Variants in ZNF12 observed in about 807,000 individuals in gnomAD.
The protein encoded by ZNF12 is zinc finger protein 12.
In ZNF12, 34 loss-of-function variants were observed where a neutral mutation model predicts 66.6. The ratio of observed to expected loss-of-function variants is 0.51; its 90% CI spans 0.39 to 0.68. The LOEUF is 0.68. ZNF12 is among the 30% of genes least tolerant of loss of function. The probability of loss-of-function intolerance (pLI) is 0.00; values close to 1 mark genes in which losing one functional copy is unlikely to be tolerated. For missense variants in ZNF12, 697 were observed against 826.9 expected, an observed-to-expected ratio of 0.84 and a Z score of 1.93; for synonymous variants, 320 against 278.9, an observed-to-expected ratio of 1.15 and a Z score of -1.47.
At position 6,691,658 on chromosome 7, in the gene ZNF12, C is replaced by G. The variant is rs140693435; in HGVS notation, c.1284G>C (p.Leu428=). 2.1e-4 allele frequency: 343 copies of G among 1,613,836 alleles called. No individual in the cohort carries two copies. The African/African-American group carries it at 4.0e-3, about 19-fold the overall frequency. The change falls in exon 5 of 5, where the codon CTG becomes CTC. Residue 428 remains leucine, a synonymous_variant. Coordinates refer to ENST00000405858, the MANE Select transcript of ZNF12 (RefSeq NM_016265.4). The part of the protein sequence containing the change: ...FCRKSTLTTH[L]RTHTGEKPYE... ...ACGGTTTCTCTCCTGTGTGGGTCCT[C>G]AGGTGGGTCGTGAGAGTAGACTTGC... is the stretch of plus-strand genomic sequence containing the variant.
chr7:6,700,613 CTCTATT>C (rs1780225290), intron 2 of ZNF12, among the ~76,000 whole-genome samples: 1 of 152,138 alleles, frequency 6.6e-6, no homozygotes. Flanking sequence ...CAATGTCAGT[CTCTATT>C]AATTTCAGCT....
chr7:6,703,656 T>G (rs1211870743), intron 2 of ZNF12, among the ~76,000 whole-genome samples: 1 of 152,056 alleles, frequency 6.6e-6, no homozygotes, highest in East Asian at 1.9e-4. Context: ...GCTAAGCAGG[T>G]GGCTGGACAG....
chr7:6,702,155 C>A (rs994271599), intron 2 of ZNF12, among the ~76,000 whole-genome samples: 2 of 152,028 alleles, frequency 1.3e-5, no homozygotes, highest in Non-Finnish European at 2.9e-5. Context: ...CAGTTGATCA[C>A]CTGTCCCTGA....
rs377766473 is a variant in ZNF12, at chr7:6,701,995, C to A, written c.15+3164G>T. Reference sequence around the variant, plus strand: ...AATTCTCAATAGACCAAATTCAATTCTTCTACCACTCTCTCCTAAACCTCT... The same window carrying A: ...AATTCTCAATAGACCAAATTCAATTATTCTACCACTCTCTCCTAAACCTCT... On this transcript the variant is annotated intron_variant, in intron 2 of 4. Transcript: ENST00000405858. Among the ~76,000 whole-genome samples the A allele has an allele frequency of 1.1e-4, 16 of 150,278 alleles. No individual in the cohort carries two copies. In the South Asian group the frequency reaches 3.2e-3, roughly 30 times the overall value.
intron 2 of ZNF12, among the ~76,000 whole-genome samples, chr7:6,700,300 AAT>A (rs1554294758): frequency 3.5e-5 from 3 of 85,446 alleles, no homozygotes; most frequent in South Asian, 3.4e-4. Context: ...AAAAAAAAAA[AAT>A]ATACACACAC....
intron 2 of ZNF12, among the ~76,000 whole-genome samples, chr7:6,701,303 T>C (rs1583467359): frequency 6.6e-6 from 1 of 152,130 alleles, no homozygotes; most frequent in Non-Finnish European, 1.5e-5. Context: ...CTTAAAATCA[T>C]ATCCCAAACC....
At chr7:6,693,681 A>T (rs983170889) in intron 4 of ZNF12, among the ~76,000 whole-genome samples, 3 of 152,244 alleles carry the variant, frequency 2.0e-5, no homozygotes, top group Admixed American at 2.0e-4. Context: ...GTAGGATTGC[A>T]GCAGTTAATG....
Position 6,700,121 on chromosome 7 carries a change from T to C in ZNF12, c.16-2310A>G, listed in dbSNP as rs138715995. On this transcript the variant is annotated intron_variant, in intron 2 of 4. Coordinates refer to ENST00000405858, the MANE Select transcript of ZNF12 (RefSeq NM_016265.4). The stretch of plus-strand genomic sequence containing the variant: ...TAACACAGTGAAACCCCGTCTCTAC[T>C]AAAAATACAAAAAATTAGCCGGGCG... Among the ~76,000 whole-genome samples the C allele has an allele frequency of 1.4e-4, 21 of 150,854 alleles. No homozygotes were observed. The South Asian group carries it at 4.4e-3, about 32-fold the overall frequency.
rs746148299 is a variant in ZNF12 at position 6,698,012 on chromosome 7, A to G, written c.16-201T>C. 17 of 786,914 alleles carry G rather than the reference A, an allele frequency of 2.2e-5. No homozygotes were observed. The highest frequency in any genetic ancestry group is 3.6e-5 in the Non-Finnish European group (16 of 442,826). 48.7% of individuals were successfully genotyped at this position (786,914 alleles called of 1,614,324 possible). A position where few individuals can be genotyped will look rare whatever the true frequency, so the allele number is the denominator to read the frequency against. ...TACATCAAACAAAAAACAAAAAACA[A>G]AAAAACAACACTGGGATTGCACGGT... On this transcript the variant is annotated intron_variant, in intron 2 of 4. Coordinates refer to ENST00000405858, the MANE Select transcript of ZNF12 (RefSeq NM_016265.4). The surrounding 1 kb of genome is among the most constrained non-coding windows in gnomAD (Gnocchi z 4.4).
intron 2 of ZNF12, among the ~76,000 whole-genome samples, chr7:6,700,306 C>T (rs1161931404): frequency 1.2e-4 from 14 of 115,798 alleles, no homozygotes; most frequent in African/African-American, 1.3e-4. Context: ...AAAAAATATA[C>T]ACACACACAC....
chr7:6,705,329 T>C lies in ZNF12; in HGVS notation c.-50-106A>G. ...AGAAAGTTCCAAGAAGTACATCTTG[T>C]GGGAGACTGTCCCTTTAAGCCTTCA... On this transcript the variant is annotated intron_variant, in intron 1 of 4. Transcript: ENST00000405858. The surrounding 1 kb of genome is among the most constrained non-coding windows in gnomAD (Gnocchi z 4.0). 1.3e-6 allele frequency: 1 copy of C among 750,936 alleles called. No individual in the cohort carries two copies. The highest frequency in any genetic ancestry group is 2.7e-5 in the East Asian group (1 of 36,570). 46.5% of individuals were successfully genotyped at this position (750,936 alleles called of 1,614,324 possible).
chr7:6,700,288 G>GA (rs746625308), intron 2 of ZNF12, among the ~76,000 whole-genome samples: 13,379 of 104,884 alleles, frequency 0.13, 905 homozygotes, highest in African/African-American at 0.26. Context: ...CCGTCTGAGA[G>GA]GAAAAAAAAA....
chr7:6,702,149 T>TGATC (rs1780255060), intron 2 of ZNF12, among the ~76,000 whole-genome samples: 1 of 152,032 alleles, frequency 6.6e-6, no homozygotes, highest in African/African-American at 2.4e-5. Context: ...TTGACACAGT[T>TGATC]GATCACCTGT....
At chr7:6,706,053 G>A (rs1780350576) in intron 1 of ZNF12, among the ~76,000 whole-genome samples, 1 of 152,178 alleles carries the variant, frequency 6.6e-6, no homozygotes, top group Admixed American at 6.5e-5. Flanking sequence ...AGCAAATGAG[G>A]CAGCAAGAGA....
chr7:6,703,863 G>C (rs1780299554), intron 2 of ZNF12, among the ~76,000 whole-genome samples: 1 of 152,208 alleles, frequency 6.6e-6, no homozygotes, highest in African/African-American at 2.4e-5. Flanking sequence ...AGGCAAAGAT[G>C]CAAATGTCCA....
intron 4 of ZNF12, among the ~76,000 whole-genome samples, chr7:6,694,384 GA>G (rs1252209851): frequency 6.6e-6 from 1 of 151,992 alleles, no homozygotes. Context: ...GATCAAATGA[GA>G]AAAAAATCTG....
At position 6,698,831 on chromosome 7, in the gene ZNF12, C is replaced by T. The variant is rs1258544404; in HGVS notation, c.16-1020G>A. 1.3e-5 allele frequency among the ~76,000 whole-genome samples: 2 copies of T among 152,226 alleles called. No individual in the cohort carries two copies. Among genetic ancestry groups the T allele is most frequent in the Non-Finnish European group, 2.9e-5 (2 of 68,038 alleles). The stretch of plus-strand genomic sequence containing the variant: ...GAATAAAGTGTCCCATTCACAAGTA[C>T]TCACACTAGCCATTATAACTGTTTC... On this transcript the variant is annotated intron_variant, in intron 2 of 4. Coordinates refer to ENST00000405858, the MANE Select transcript of ZNF12 (RefSeq NM_016265.4). This position sits in a 1 kb window ranked among gnomAD's most constrained non-coding sequence, Gnocchi z 4.4.
In ZNF12 at chr7:6,697,725, C is replaced by T. The variant is rs1478880191; in HGVS notation, c.102G>A (p.Arg34=). Reference sequence around the variant, plus strand: ...TGCTGTAGTTCTCCAGCATCACATCCCTGTAAGTTATCTTCTGCTCAGGAT... The same window carrying T: ...TGCTGTAGTTCTCCAGCATCACATCTCTGTAAGTTATCTTCTGCTCAGGAT... ...QLDPEQKITY[R]DVMLENYSNL... The change falls in exon 3 of 5, where the codon AGG becomes AGA. Residue 34 remains arginine, a synonymous_variant. Transcript: ENST00000405858. This position sits in a 1 kb window ranked among gnomAD's most constrained non-coding sequence, Gnocchi z 6.1. 2.5e-6 allele frequency: 4 copies of T among 1,614,128 alleles called. No homozygotes were observed. The highest frequency in any genetic ancestry group is 3.4e-6 in the Non-Finnish European group (4 of 1,180,038).
At chr7:6,704,771 A>AT (rs1780324668) in intron 2 of ZNF12, among the ~76,000 whole-genome samples, 1 of 141,050 alleles carries the variant, frequency 7.1e-6, no homozygotes, top group Non-Finnish European at 1.6e-5. Context: ...AAAAAAAAAA[A>AT]GAAAGGCAAG....
Sources: gnomAD v4.1 joint callset for allele counts (sites outside exome capture counted in the v4.1 genomes callset) on GRCh38, gnomAD v4.1.1 for gene constraint, Gnocchi (gnomAD v3.1) non-coding constraint, MANE v1.5 for transcripts, NCBI Gene and HGNC (gene_info 2026-07-23, HGNC 2026-07-21) for gene names.